The following GPR158 variants were observed in gnomAD, a reference collection of about 807,000 sequenced individuals.
GPR158 encodes the protein metabotropic glycine receptor.
GPR158 carries 30 observed loss-of-function variants against 78.2 expected under a neutral mutation model. That is an observed-to-expected ratio of 0.38 (90% CI 0.29 to 0.52). GPR158 has a LOEUF of 0.52. Among genes scored for constraint, GPR158 ranks in the 20% least tolerant of loss-of-function variants. The probability of loss-of-function intolerance (pLI) is 0.83; values close to 1 mark genes in which losing one functional copy is unlikely to be tolerated. For synonymous variants in GPR158, 581 were observed against 591.1 expected, an observed-to-expected ratio of 0.98 and a Z score of 0.25; for missense variants, 1,463 against 1,523.5, an observed-to-expected ratio of 0.96 and a Z score of 0.66.
intron 2 of GPR158, among the ~76,000 whole-genome samples, chr10:25,255,831 A>T (rs937103084): frequency 6.6e-6 from 1 of 152,204 alleles, no homozygotes; most frequent in African/African-American, 2.4e-5. Flanking sequence ...TACATCCACA[A>T]CATTCCTTCA....
intron 2 of GPR158, among the ~76,000 whole-genome samples, chr10:25,236,227 C>T (rs1293886009): frequency 3.9e-5 from 6 of 152,064 alleles, no homozygotes; most frequent in Non-Finnish European, 8.8e-5. Context: ...AAATTTTGGC[C>T]GGGCGTGGTG....
intron 2 of GPR158, among the ~76,000 whole-genome samples, chr10:25,329,366 G>C (rs1005977606): frequency 6.6e-6 from 1 of 151,912 alleles, no homozygotes; most frequent in Admixed American, 6.6e-5. Flanking sequence ...CACGAACCCC[G>C]GGGGCGGAGC....
chr10:25,491,444 A>T (rs1397998887), intron 5 of GPR158, among the ~76,000 whole-genome samples: 2 of 152,200 alleles, frequency 1.3e-5, no homozygotes, highest in African/African-American at 4.8e-5. Context: ...CTTAAAAAAG[A>T]ATGAAGTATA....
chr10:25,267,903 T>C (rs573222429), intron 2 of GPR158, among the ~76,000 whole-genome samples: 3 of 152,296 alleles, frequency 2.0e-5, no homozygotes, highest in South Asian at 4.1e-4. Context: ...ATTACCCAAA[T>C]AGATGGATGG....
At chr10:25,252,486 G>C (rs1232702346) in intron 2 of GPR158, among the ~76,000 whole-genome samples, 1 of 151,480 alleles carries the variant, frequency 6.6e-6, no homozygotes, top group Non-Finnish European at 1.5e-5. Context: ...GTACAGAGGG[G>C]TTTTTGGTGT....
At position 25,180,672 on chromosome 10, in the gene GPR158, C is replaced by T. The variant is rs1852600984; in HGVS notation, c.902+4350C>T. Among the ~76,000 whole-genome samples, 3 of 152,248 alleles carry T rather than the reference C, an allele frequency of 2.0e-5. No individual in the cohort carries two copies. In the South Asian group the frequency reaches 6.2e-4, roughly 32 times the overall value. On this transcript the variant is annotated intron_variant, in intron 1 of 10. Transcript: ENST00000376351. Reference sequence around the variant, plus strand: ...GTAATACCTGTCTGGAAATCAGTTTCTGCATAATACAAATGTGGAAATAGA... The same window carrying T: ...GTAATACCTGTCTGGAAATCAGTTTTTGCATAATACAAATGTGGAAATAGA...
intron 1 of GPR158, among the ~76,000 whole-genome samples, chr10:25,213,174 A>G (rs1853158877): frequency 6.6e-6 from 1 of 152,056 alleles, no homozygotes. Flanking sequence ...TGGTTTTTAC[A>G]GAATTAGTCA....
intron 4 of GPR158, among the ~76,000 whole-genome samples, chr10:25,428,981 C>T (rs932477331): frequency 7.9e-5 from 12 of 151,934 alleles, no homozygotes; most frequent in Admixed American, 5.3e-4. Context: ...CCATCTTTAG[C>T]GTTACAGTTG....
chr10:25,543,899 A>G (rs1378050662), intron 5 of GPR158, among the ~76,000 whole-genome samples: 1 of 152,164 alleles, frequency 6.6e-6, no homozygotes, highest in African/African-American at 2.4e-5. Flanking sequence ...TCAAACACAC[A>G]CCGAGGTACA....
intron 2 of GPR158, among the ~76,000 whole-genome samples, chr10:25,373,551 T>C (rs1177928695): frequency 6.6e-6 from 1 of 151,954 alleles, no homozygotes; most frequent in Non-Finnish European, 1.5e-5. Flanking sequence ...TTGTAGTATA[T>C]GAATTTAGGG....
At chr10:25,420,111 CT>C (rs1390498586) in intron 4 of GPR158, among the ~76,000 whole-genome samples, 2 of 151,758 alleles carry the variant, frequency 1.3e-5, no homozygotes, top group African/African-American at 4.8e-5. Flanking sequence ...TGTGATTTTT[CT>C]TTTTACTTTC....
intron 1 of GPR158, among the ~76,000 whole-genome samples, chr10:25,216,808 A>G (rs1276888444): frequency 2.6e-5 from 4 of 152,136 alleles, no homozygotes; most frequent in Non-Finnish European, 5.9e-5. Flanking sequence ...AGGTATAAAG[A>G]CGTCTGTGAA....
chr10:25,305,323 T>C (rs1320461486), intron 2 of GPR158, among the ~76,000 whole-genome samples: 5 of 152,202 alleles, frequency 3.3e-5, no homozygotes, highest in Non-Finnish European at 7.3e-5. Flanking sequence ...TCATCAGTCA[T>C]ATTTTAAGCC....
intron 1 of GPR158, among the ~76,000 whole-genome samples, chr10:25,213,677 T>C (rs1022213583): frequency 3.9e-5 from 6 of 152,124 alleles, no homozygotes; most frequent in African/African-American, 1.4e-4. Flanking sequence ...AAAACAGAAC[T>C]GTTCATTAAA....
chr10:25,461,737 T>C (rs1474271908), intron 4 of GPR158, among the ~76,000 whole-genome samples: 1 of 150,218 alleles, frequency 6.7e-6, no homozygotes, highest in East Asian at 2.0e-4. Context: ...GACTTTCTTT[T>C]TTTTTTTTTT....
intron 1 of GPR158, among the ~76,000 whole-genome samples, chr10:25,207,314 A>G (rs544355062): frequency 1.1e-4 from 16 of 152,290 alleles, no homozygotes; most frequent in African/African-American, 3.8e-4. Flanking sequence ...GCTTCTGGAC[A>G]GATTTCTTCT....
intron 5 of GPR158, among the ~76,000 whole-genome samples, chr10:25,549,894 C>G (rs371368395): frequency 2.0e-5 from 3 of 152,162 alleles, no homozygotes; most frequent in African/African-American, 7.2e-5. Flanking sequence ...CAAAATCATA[C>G]TCAGGGTTTT....
intron 1 of GPR158, among the ~76,000 whole-genome samples, chr10:25,206,546 T>C (rs758794251): frequency 2.0e-5 from 3 of 152,204 alleles, no homozygotes; most frequent in Non-Finnish European, 4.4e-5. Flanking sequence ...ACAATCTTAA[T>C]GCTCAGAGTT....
chr10:25,191,235 C>T (rs1852767299), intron 1 of GPR158, among the ~76,000 whole-genome samples: 1 of 152,186 alleles, frequency 6.6e-6, no homozygotes, highest in African/African-American at 2.4e-5. Context: ...TTTTAGAGAT[C>T]ACGTAATCCA....
Sources: allele counts gnomAD v4.1 joint callset (sites outside exome capture counted in the v4.1 genomes callset), GRCh38; gene constraint gnomAD v4.1.1; transcripts MANE v1.5; gene names NCBI Gene and HGNC (gene_info 2026-07-23, HGNC 2026-07-21).